TACR3: variants seen among roughly 807,000 people sequenced by gnomAD.
The protein encoded by TACR3 is tachykinin receptor 3, also known as neuromedin-K receptor.
Under a neutral mutation model 35.0 loss-of-function variants are expected in TACR3, and 34 were observed. The ratio of observed to expected loss-of-function variants is 0.97; its 90% CI spans 0.74 to 1.30. The LOEUF (loss-of-function observed/expected upper bound fraction) is 1.30. Ranked by LOEUF, TACR3 falls within the 50% of genes most tolerant of loss-of-function variation. The probability of loss-of-function intolerance (pLI) is 0.00; values close to 1 mark genes in which losing one functional copy is unlikely to be tolerated. For synonymous variants in TACR3, 233 were observed against 221.1 expected (o/e 1.05, Z -0.48); for missense variants, 558 against 591.7 (o/e 0.94, Z 0.59).
intron 3 of TACR3, among the ~76,000 whole-genome samples, chr4:103,606,788 C>A (rs1297297445): frequency 6.6e-6 from 1 of 152,152 alleles, no homozygotes; most frequent in Non-Finnish European, 1.5e-5. Flanking sequence ...TTGACTTCCT[C>A]TTTTCCTAAT....
At chr4:103,719,097 C>T (rs755987314) in intron 1 of TACR3, 31 bp downstream of exon 1, 1 of 1,613,582 alleles carries the variant, frequency 6.2e-7, no homozygotes, top group African/African-American at 1.3e-5. Context: ...TTCCCTTCTC[C>T]CTCTTTCCTC....
At chr4:103,708,949 T>A (rs943313381) in intron 1 of TACR3, among the ~76,000 whole-genome samples, 1 of 151,780 alleles carries the variant, frequency 6.6e-6, no homozygotes. Context: ...GAAGAGAAGT[T>A]TAGAGAAAAA....
At chr4:103,664,413 A>G (rs535922855) in intron 1 of TACR3, among the ~76,000 whole-genome samples, 8 of 152,058 alleles carry the variant, frequency 5.3e-5, no homozygotes, top group Non-Finnish European at 7.4e-5. Context: ...TTGTTTCTGG[A>G]TTTTTATGAG....
chr4:103,630,573 T>C (rs182312279), intron 3 of TACR3, among the ~76,000 whole-genome samples: 3,468 of 150,100 alleles, frequency 0.023, 52 homozygotes, highest in Non-Finnish European at 0.034. Flanking sequence ...AACAGACACA[T>C]GAAAAAATGC....
At chr4:103,643,429 AAG>A (rs138415563) in intron 3 of TACR3, among the ~76,000 whole-genome samples, 6,921 of 148,298 alleles carry the variant, frequency 0.047, 496 homozygotes, top group African/African-American at 0.15. Context: ...GTCTAAAAAA[AAG>A]AGAGAGAGAG....
intron 3 of TACR3, among the ~76,000 whole-genome samples, chr4:103,617,709 G>T (rs900242282): frequency 2.6e-5 from 4 of 152,106 alleles, no homozygotes; most frequent in Admixed American, 6.6e-5. Flanking sequence ...AATATTAGAA[G>T]ATCATAATTC....
intron 1 of TACR3, among the ~76,000 whole-genome samples, chr4:103,671,232 G>A (rs926267457): frequency 1.4e-4 from 22 of 151,970 alleles, no homozygotes; most frequent in African/African-American, 5.3e-4. Context: ...ATATTGGTCT[G>A]CAGTTTTTAA....
At chr4:103,692,567 T>G (rs1013574086) in intron 1 of TACR3, among the ~76,000 whole-genome samples, 2 of 152,138 alleles carry the variant, frequency 1.3e-5, no homozygotes, top group Non-Finnish European at 2.9e-5. Context: ...TAACCAACTT[T>G]CTGTAATTAA....
intron 1 of TACR3, among the ~76,000 whole-genome samples, chr4:103,687,194 T>C (rs1215241792): frequency 2.0e-5 from 3 of 152,066 alleles, no homozygotes; most frequent in Non-Finnish European, 2.9e-5. Flanking sequence ...CAAAATTCAA[T>C]AACCCCTCAT....
intron 3 of TACR3, among the ~76,000 whole-genome samples, chr4:103,642,904 G>A (rs887878842): frequency 6.6e-5 from 10 of 151,698 alleles, no homozygotes; most frequent in Admixed American, 2.0e-4. Context: ...TATTGTGTTC[G>A]TGTATCAAAA....
In TACR3 at chr4:103,719,905, G is replaced by A; in HGVS notation, c.-230C>T. 4 of 602,936 alleles carry A rather than the reference G, an allele frequency of 6.6e-6. No individual in the cohort carries two copies. Among genetic ancestry groups the A allele is most frequent in the Non-Finnish European group, 1.2e-5 (4 of 340,808 alleles). 37.3% of individuals were successfully genotyped at this position (602,936 alleles called of 1,614,324 possible). On this transcript the variant is annotated 5_prime_UTR_variant, in exon 1 of 5. Transcript: ENST00000304883. ...TGCGGCTCTGGCAGGCAGAAAGAAT[G>A]AGATCCTCCCGAGATTAAGGGTTAT... is the stretch of plus-strand genomic sequence containing the variant.
At chr4:103,664,525 C>T (rs763999348) in intron 1 of TACR3, among the ~76,000 whole-genome samples, 3 of 152,046 alleles carry the variant, frequency 2.0e-5, no homozygotes, top group Admixed American at 6.6e-5. Flanking sequence ...TAAAATGATA[C>T]GAATTTTACT....
intron 3 of TACR3, among the ~76,000 whole-genome samples, chr4:103,604,877 T>G (rs1422663615): frequency 2.0e-5 from 3 of 151,362 alleles, no homozygotes; most frequent in Admixed American, 2.0e-4. Flanking sequence ...ATGTGCACAT[T>G]GTGCAGGTTA....
At chr4:103,628,686 C>G (rs929093758) in intron 3 of TACR3, among the ~76,000 whole-genome samples, 4 of 152,120 alleles carry the variant, frequency 2.6e-5, no homozygotes, top group African/African-American at 9.7e-5. Context: ...AATCCAGGAC[C>G]AGATAGATTC....
In TACR3 at chr4:103,594,624, A is replaced by G. The variant is rs1017979950; in HGVS notation, c.889-2941T>C. On this transcript the variant is annotated intron_variant, in intron 3 of 4. Coordinates refer to ENST00000304883, the MANE Select transcript of TACR3 (RefSeq NM_001059.3). Reference sequence around the variant, plus strand: ...TGACTACAAACTCCCTATGCACAAAATTGTTTTCCGACAATTGCTGAAAAC... The same window carrying G: ...TGACTACAAACTCCCTATGCACAAAGTTGTTTTCCGACAATTGCTGAAAAC... Among the ~76,000 whole-genome samples the G allele has an allele frequency of 4.6e-5, 7 of 152,158 alleles. No individual in the cohort carries two copies. The East Asian group carries it at 1.3e-3, about 29-fold the overall frequency.
intron 1 of TACR3, among the ~76,000 whole-genome samples, chr4:103,710,701 G>A (rs1417009389): frequency 6.6e-6 from 1 of 152,116 alleles, no homozygotes; most frequent in East Asian, 1.9e-4. Flanking sequence ...ATGAATCCAG[G>A]AGCTGGTTTT....
At chr4:103,689,428 A>C (rs1200850357) in intron 1 of TACR3, among the ~76,000 whole-genome samples, 2 of 152,068 alleles carry the variant, frequency 1.3e-5, no homozygotes, top group Non-Finnish European at 2.9e-5. Context: ...GCTTTTTAAA[A>C]ATTAATAGTA....
intron 1 of TACR3, among the ~76,000 whole-genome samples, chr4:103,659,250 G>A (rs1013342939): frequency 2.6e-5 from 4 of 152,176 alleles, no homozygotes; most frequent in African/African-American, 9.7e-5. Context: ...TACCTCCGAT[G>A]TAAGTGAAAG....
chr4:103,591,571 A>G lies in TACR3; in HGVS notation c.1001T>C (p.Ile334Thr). The G allele has an allele frequency of 6.2e-7, 1 of 1,613,916 alleles. No individual in the cohort carries two copies. The highest frequency in any genetic ancestry group is 8.5e-7 in the Non-Finnish European group (1 of 1,179,870). The change falls in exon 4 of 5, where the codon ATC becomes ACC. Residue 334 changes from isoleucine (I) to threonine (T), a missense_variant. Transcript: ENST00000304883. Reference sequence around the variant, plus strand: ...AAAGCTAGCCAGGTAGACCTGCTGGATGTATTTCCATCTATTTAGTTGTTG... The same window carrying G: ...AAAGCTAGCCAGGTAGACCTGCTGGGTGTATTTCCATCTATTTAGTTGTTG... ...IYQQLNRWKY[I>T]QQVYLASFWL...
Sources: allele counts gnomAD v4.1 joint callset (sites outside exome capture counted in the v4.1 genomes callset), GRCh38; gene constraint gnomAD v4.1.1; transcripts MANE v1.5; gene names NCBI Gene and HGNC (gene_info 2026-07-23, HGNC 2026-07-21).